The following WNT3A variants were observed in gnomAD, a reference collection of about 807,000 sequenced individuals.
WNT3A encodes the protein Wnt family member 3A.
Under a neutral mutation model 37.0 loss-of-function variants are expected in WNT3A, and 17 were observed. The ratio of observed to expected loss-of-function variants is 0.46; its 90% confidence interval spans 0.31 to 0.69. The LOEUF (loss-of-function observed/expected upper bound fraction) is 0.69, where lower values mean the gene tolerates loss of function less well. Ranked by LOEUF, WNT3A falls within the 30% of genes least tolerant of loss-of-function variation. WNT3A has a pLI of 0.05. For missense variants in WNT3A, 411 were observed against 510.2 expected (o/e 0.81, Z 1.87); for synonymous variants, 187 against 211.0 (o/e 0.89, Z 0.99).
chr1:228,028,136 C>T (rs1273420597), intron 2 of WNT3A, among the ~76,000 whole-genome samples: 1 of 152,056 alleles, frequency 6.6e-6, no homozygotes, highest in African/African-American at 2.4e-5. Flanking sequence ...GGTCTATGTG[C>T]CTACTTTCAT....
intron 1 of WNT3A, among the ~76,000 whole-genome samples, chr1:228,017,984 C>T (rs1197751189): frequency 2.6e-5 from 4 of 152,200 alleles, no homozygotes; most frequent in South Asian, 4.1e-4. Context: ...GAGAACAGCA[C>T]GGGGGCTTTG....
At chr1:228,053,415 G>T (rs1484340101) in intron 3 of WNT3A, among the ~76,000 whole-genome samples, 1 of 152,148 alleles carries the variant, frequency 6.6e-6, no homozygotes, top group African/African-American at 2.4e-5. Context: ...CTTAGAGTAG[G>T]CAAAGGTGTC....
rs2030226715 is a variant in WNT3A at position 228,007,309 on chromosome 1, A to T, written c.71+110A>T. 9.0e-7 allele frequency: 1 copy of T among 1,108,938 alleles called. No homozygotes were observed. Among genetic ancestry groups the T allele is most frequent in the African/African-American group, 1.7e-5 (1 of 59,498 alleles). The allele number at this position is 1,108,938 out of a possible 1,614,324, so 68.7% of individuals were successfully genotyped here. A position where few individuals can be genotyped will look rare whatever the true frequency, so the allele number is the denominator to read the frequency against. Reference sequence around the variant, plus strand: ...GCCCGAGCCCGCGCCCTTCTGCTCCAGCCCCGCGTGCGGGCCGCGGGCGGT... The same window carrying T: ...GCCCGAGCCCGCGCCCTTCTGCTCCTGCCCCGCGTGCGGGCCGCGGGCGGT... On this transcript the variant is annotated intron_variant, in intron 1 of 3. Transcript: ENST00000284523. The surrounding 1 kb of genome is among the most constrained non-coding windows in gnomAD (Gnocchi z 6.0).
chr1:228,057,133 A>G (rs762357539), intron 3 of WNT3A, among the ~76,000 whole-genome samples: 3 of 152,256 alleles, frequency 2.0e-5, no homozygotes, highest in Admixed American at 6.5e-5. Context: ...GGATAACACC[A>G]ACTACAAAAA....
intron 1 of WNT3A, among the ~76,000 whole-genome samples, chr1:228,021,050 A>G (rs1185321372): frequency 6.6e-6 from 1 of 152,234 alleles, no homozygotes; most frequent in African/African-American, 2.4e-5. Context: ...TATTTTGTAC[A>G]GCAAAATGGA....
chr1:228,008,126 A>T lies in WNT3A; in HGVS notation c.71+927A>T, dbSNP rs1395916438. Among the ~76,000 whole-genome samples, 1 of 152,120 alleles carries T rather than the reference A, an allele frequency of 6.6e-6. No homozygotes were observed. The highest frequency in any genetic ancestry group is 1.5e-5 in the Non-Finnish European group (1 of 68,020). On this transcript the variant is annotated intron_variant, in intron 1 of 3. Coordinates refer to ENST00000284523, the MANE Select transcript of WNT3A (RefSeq NM_033131.4). The surrounding 1 kb of genome is among the most constrained non-coding windows in gnomAD (Gnocchi z 4.9). ...CTTGTGATCCCTCAGAGCCCTCACC[A>T]AGCAAGGATCACCCCAGTTCCGAAT...
intron 2 of WNT3A, among the ~76,000 whole-genome samples, chr1:228,045,297 G>A (rs112147569): frequency 0.012 from 1,794 of 152,322 alleles, 11 homozygotes; most frequent in Non-Finnish European, 0.02. Context: ...TAGCCAGGCC[G>A]TGAGGTGGGA....
At chr1:228,041,013 A>ATC (rs56307641) in intron 2 of WNT3A, among the ~76,000 whole-genome samples, 15 of 140,834 alleles carry the variant, frequency 1.1e-4, no homozygotes, top group Non-Finnish European at 2.3e-4. Context: ...CTACATATCT[A>ATC]TATCTATCTA....
At chr1:228,053,885 C>A (rs918007731) in intron 3 of WNT3A, among the ~76,000 whole-genome samples, 2 of 152,094 alleles carry the variant, frequency 1.3e-5, no homozygotes, top group African/African-American at 2.4e-5. Context: ...TTTTGTATGT[C>A]TATTATACTT....
In WNT3A at chr1:228,027,195, G is replaced by A. The variant is rs12127006; in HGVS notation, c.313+4287G>A. 4.7e-3 allele frequency among the ~76,000 whole-genome samples: 713 copies of A among 152,334 alleles called. 4 individuals carry two copies. The highest frequency in any genetic ancestry group is 5.9e-3 in the Non-Finnish European group (401 of 68,030). ...TGTGAGTTGATGGGCACTTAGGCTG[G>A]TTCCACATGTTTGCAATTGGGAATT... is the stretch of plus-strand genomic sequence containing the variant. On this transcript the variant is annotated intron_variant, in intron 2 of 3. Transcript: ENST00000284523.
At chr1:228,012,415 C>A (rs569451445) in intron 1 of WNT3A, among the ~76,000 whole-genome samples, 1 of 152,322 alleles carries the variant, frequency 6.6e-6, no homozygotes, top group South Asian at 2.1e-4. Context: ...GGTGCTGCAA[C>A]CATTTCTGTG....
chr1:228,030,328 G>A (rs1048646608), intron 2 of WNT3A, among the ~76,000 whole-genome samples: 30 of 151,658 alleles, frequency 2.0e-4, no homozygotes, highest in African/African-American at 6.3e-4. Flanking sequence ...CCTGGGAGGC[G>A]GAGGTTTTAG....
At chr1:228,018,460 A>G (rs926124410) in intron 1 of WNT3A, among the ~76,000 whole-genome samples, 18 of 151,096 alleles carry the variant, frequency 1.2e-4, no homozygotes, top group Non-Finnish European at 2.1e-4. Context: ...TGGTGTAATC[A>G]GAGCTCACTG....
intron 2 of WNT3A, among the ~76,000 whole-genome samples, chr1:228,049,194 G>A (rs1160273344): frequency 1.3e-5 from 2 of 152,198 alleles, no homozygotes; most frequent in Non-Finnish European, 1.5e-5. Context: ...CCATGCAAGT[G>A]TCGGTGCTTG....
chr1:228,047,747 G>T (rs918115195), intron 2 of WNT3A, among the ~76,000 whole-genome samples: 3 of 152,136 alleles, frequency 2.0e-5, no homozygotes, highest in Non-Finnish European at 4.4e-5. Flanking sequence ...CAATCATGGC[G>T]GAAGGCAAAG....
intron 3 of WNT3A, among the ~76,000 whole-genome samples, chr1:228,055,173 AAAAAAAATATATAT>A (rs1263298058): frequency 6.5e-4 from 47 of 72,290 alleles, no homozygotes; most frequent in South Asian, 2.1e-3. Context: ...AAAAAAAAAA[AAAAAAAATATATAT>A]ATATATATAT....
chr1:228,035,699 G>A (rs943669427), intron 2 of WNT3A, among the ~76,000 whole-genome samples: 7 of 152,200 alleles, frequency 4.6e-5, no homozygotes, highest in East Asian at 1.9e-4. Flanking sequence ...CTGCCCTAAG[G>A]TGCCAGCGTT....
In WNT3A at chr1:228,008,686, C is replaced by A. The variant is rs963854222; in HGVS notation, c.71+1487C>A. On this transcript the variant is annotated intron_variant, in intron 1 of 3. Coordinates refer to ENST00000284523, the MANE Select transcript of WNT3A (RefSeq NM_033131.4). The surrounding 1 kb of genome is among the most constrained non-coding windows in gnomAD (Gnocchi z 4.9). ...GCAGCGCGTCCGTCCGAGAGAGCCC[C>A]GAGGGCTGCCGGCTTACGCACCAGG... 1.3e-5 allele frequency among the ~76,000 whole-genome samples: 2 copies of A among 152,164 alleles called. No individual in the cohort carries two copies. The highest frequency in any genetic ancestry group is 4.8e-5 in the African/African-American group (2 of 41,430).
intron 1 of WNT3A, among the ~76,000 whole-genome samples, chr1:228,015,707 C>G (rs71650377): frequency 6.7e-6 from 1 of 148,616 alleles, no homozygotes; most frequent in Admixed American, 6.7e-5. Flanking sequence ...ACCCCCGCCT[C>G]CCCCCCACCC....
Sources: gnomAD v4.1 joint callset for allele counts (sites outside exome capture counted in the v4.1 genomes callset) on GRCh38, gnomAD v4.1.1 for gene constraint, Gnocchi (gnomAD v3.1) non-coding constraint, MANE v1.5 for transcripts, NCBI Gene and HGNC (gene_info 2026-07-23, HGNC 2026-07-21) for gene names.